ASTN2: variants seen among roughly 807,000 people sequenced by gnomAD.
The protein encoded by ASTN2 is astrotactin 2.
A neutral mutation model predicts 139.8 loss-of-function variants in ASTN2; 54 were observed. That is an observed-to-expected ratio of 0.39 (90% CI 0.31 to 0.48). The LOEUF is 0.48. ASTN2 is among the 20% of genes least tolerant of loss of function. The pLI is 0.95. For synonymous variants in ASTN2, 756 were observed against 719.5 expected (o/e 1.05, Z -0.81); for missense variants, 1,565 against 1,725.1 (o/e 0.91, Z 1.64).
At chr9:116,728,034 A>G (rs754708014) in intron 15 of ASTN2, among the ~76,000 whole-genome samples, 1 of 152,196 alleles carries the variant, frequency 6.6e-6, no homozygotes, top group Non-Finnish European at 1.5e-5. Context: ...CAGACAATAA[A>G]CCAGTGAAAG....
chr9:117,020,148 T>C (rs1372955767), intron 6 of ASTN2, among the ~76,000 whole-genome samples: 1 of 151,858 alleles, frequency 6.6e-6, no homozygotes, highest in Non-Finnish European at 1.5e-5. Context: ...AAAGAGGGTA[T>C]ATTTAATATG....
chr9:117,011,160 C>A (rs956118137), intron 6 of ASTN2, among the ~76,000 whole-genome samples: 5 of 152,110 alleles, frequency 3.3e-5, no homozygotes, highest in African/African-American at 1.2e-4. Context: ...AATGCAATAC[C>A]AGTAAACAGA....
chr9:116,593,668 C>T (rs1009660415), intron 19 of ASTN2, among the ~76,000 whole-genome samples: 1 of 152,166 alleles, frequency 6.6e-6, no homozygotes, highest in African/African-American at 2.4e-5. Flanking sequence ...CTCTCAAGTG[C>T]CCAAAGAATC....
At chr9:117,209,009 T>A (rs1305932071) in intron 3 of ASTN2, among the ~76,000 whole-genome samples, 1 of 152,158 alleles carries the variant, frequency 6.6e-6, no homozygotes, top group East Asian at 1.9e-4. Flanking sequence ...AGATAACAAC[T>A]ATGATCATGA....
At chr9:117,027,100 C>A (rs1172816402) in intron 6 of ASTN2, among the ~76,000 whole-genome samples, 1 of 152,180 alleles carries the variant, frequency 6.6e-6, no homozygotes, top group Admixed American at 6.5e-5. Flanking sequence ...TCGACTTAGA[C>A]TGAAAGGACG....
At chr9:116,760,523 C>T (rs1203315341) in intron 13 of ASTN2, among the ~76,000 whole-genome samples, 1 of 152,208 alleles carries the variant, frequency 6.6e-6, no homozygotes, top group East Asian at 1.9e-4. Context: ...CAATTCAGAC[C>T]TGACTGTGAC....
In ASTN2 at chr9:117,020,406, G is replaced by A. The variant is rs1186459966; in HGVS notation, c.1424-12147C>T. 2.6e-5 allele frequency among the ~76,000 whole-genome samples: 4 copies of A among 151,856 alleles called. No individual in the cohort carries two copies. In the East Asian group the frequency reaches 7.8e-4, roughly 30 times the overall value. ...TTCTCCCTCTGTTGGAAGAGTCTGA[G>A]GCACTGGGCCAAGATAGGTGGAAAT... On this transcript the variant is annotated intron_variant, in intron 6 of 22. Coordinates refer to ENST00000313400, the MANE Select transcript of ASTN2 (RefSeq NM_001365068.1).
intron 12 of ASTN2, among the ~76,000 whole-genome samples, chr9:116,806,258 C>A (rs1003719205): frequency 2.6e-5 from 4 of 152,192 alleles, no homozygotes; most frequent in African/African-American, 7.2e-5. Context: ...AGAGGTGAAA[C>A]CTTCCAGGAC....
intron 2 of ASTN2, among the ~76,000 whole-genome samples, chr9:117,236,186 C>T (rs1030912138): frequency 2.6e-5 from 4 of 152,176 alleles, no homozygotes; most frequent in African/African-American, 9.7e-5. Context: ...GAAATAAACT[C>T]GGATGGAACT....
At chr9:117,165,454 T>A (rs1830649517) in intron 3 of ASTN2, among the ~76,000 whole-genome samples, 2 of 152,196 alleles carry the variant, frequency 1.3e-5, no homozygotes, top group African/African-American at 2.4e-5. Flanking sequence ...GAGCCCTGCC[T>A]GACTGACCCA....
chr9:117,310,665 T>C (rs1827945722), intron 1 of ASTN2, among the ~76,000 whole-genome samples: 1 of 152,156 alleles, frequency 6.6e-6, no homozygotes, highest in Admixed American at 6.5e-5. Flanking sequence ...CGTCTCCTGC[T>C]CTGTTGTCCA....
At chr9:116,448,849 T>C (rs1182616840) in intron 20 of ASTN2, among the ~76,000 whole-genome samples, 2 of 152,110 alleles carry the variant, frequency 1.3e-5, no homozygotes, top group African/African-American at 4.8e-5. Flanking sequence ...GTAGAGAAAA[T>C]GTGTAATAGT....
At chr9:117,237,842 C>T (rs1440890356) in intron 2 of ASTN2, among the ~76,000 whole-genome samples, 2 of 152,180 alleles carry the variant, frequency 1.3e-5, no homozygotes, top group Non-Finnish European at 2.9e-5. Flanking sequence ...CACTCTACCT[C>T]CCAGTGGGCC....
At chr9:116,671,143 C>T (rs1408341285) in intron 16 of ASTN2, among the ~76,000 whole-genome samples, 1 of 151,838 alleles carries the variant, frequency 6.6e-6, no homozygotes, top group African/African-American at 2.4e-5. Context: ...TAAATAAAAT[C>T]CCAAAATTTA....
intron 13 of ASTN2, among the ~76,000 whole-genome samples, chr9:116,795,375 T>C (rs889316216): frequency 6.6e-6 from 1 of 152,232 alleles, no homozygotes; most frequent in Non-Finnish European, 1.5e-5. Flanking sequence ...AAATTCCACA[T>C]AGTAAATATG....
At chr9:116,954,804 C>T (rs866834796) in intron 10 of ASTN2, among the ~76,000 whole-genome samples, 19 of 152,310 alleles carry the variant, frequency 1.2e-4, no homozygotes, top group South Asian at 4.1e-4. Flanking sequence ...TGCAATGGCT[C>T]TCAAAGTATG....
chr9:116,704,243 A>T (rs559081027), intron 16 of ASTN2, among the ~76,000 whole-genome samples: 1 of 152,316 alleles, frequency 6.6e-6, no homozygotes, highest in Admixed American at 6.5e-5. Flanking sequence ...GATTTTAATT[A>T]ATTTGTTAAC....
chr9:117,289,586 A>T (rs910982554), intron 2 of ASTN2, among the ~76,000 whole-genome samples: 1 of 152,220 alleles, frequency 6.6e-6, no homozygotes, highest in African/African-American at 2.4e-5. Context: ...GAAAATGTTT[A>T]ATGAACATTG....
At chr9:117,226,701 G>A (rs550073189) in intron 2 of ASTN2, among the ~76,000 whole-genome samples, 20 of 152,236 alleles carry the variant, frequency 1.3e-4, no homozygotes, top group Middle Eastern at 3.4e-3. Flanking sequence ...TTTCAAGAGG[G>A]GTTTTGCCCT....
Sources: allele counts gnomAD v4.1 joint callset (sites outside exome capture counted in the v4.1 genomes callset), GRCh38; gene constraint gnomAD v4.1.1; transcripts MANE v1.5; gene names NCBI Gene and HGNC (gene_info 2026-07-23, HGNC 2026-07-21).